Variants in ERG observed in about 807,000 individuals in gnomAD.
ERG encodes the protein transcriptional regulator ERG.
In ERG, 9 loss-of-function variants were observed where a neutral mutation model predicts 55.3. The observed-to-expected ratio is 0.16, with a 90% CI of 0.10 to 0.28. ERG has a LOEUF of 0.28. Among genes scored for constraint, ERG ranks in the 10% least tolerant of loss-of-function variants. ERG has a pLI of 1.00. For synonymous variants in ERG, 223 were observed against 237.3 expected (o/e 0.94, Z 0.55); for missense variants, 434 against 631.6 (o/e 0.69, Z 3.35).
In ERG at chr21:38,402,625, T is replaced by C. The variant is rs1240440859; in HGVS notation, c.605A>G (p.His202Arg). The part of the protein sequence containing the change: ...LHYLRETPLP[H>R]LTSDDVDKAL... ...TTTATCAACATCATCTGAAGTCAAA[T>C]GTGGAAGAGGAGCTACAAAACAAAA... Residue 202 changes from histidine (H) to arginine (R), a missense_variant, in exon 5 of 10, where the codon CAT (histidine) becomes CGT (arginine). His to Arg is a conservative substitution (Grantham distance 29, BLOSUM62 0). Transcript: ENST00000288319. 1.1e-5 allele frequency: 18 copies of C among 1,594,746 alleles called. No homozygotes were observed. Among genetic ancestry groups the C allele is most frequent in the Non-Finnish European group, 1.5e-5 (18 of 1,176,412 alleles).
At chr21:38,479,162 A>T (rs541152322) in intron 1 of ERG, among the ~76,000 whole-genome samples, 1 of 152,266 alleles carries the variant, frequency 6.6e-6, no homozygotes, top group East Asian at 1.9e-4. Context: ...ATAAAGTTTT[A>T]TTTTTTCATC....
intron 2 of ERG, among the ~76,000 whole-genome samples, chr21:38,548,560 G>C (rs181520054): frequency 2.0e-5 from 3 of 146,420 alleles, no homozygotes; most frequent in Admixed American, 2.0e-4. Context: ...CCATTCTCCT[G>C]CCTCAGCCTC....
chr21:38,485,354 A>T (rs2082006611), intron 1 of ERG, among the ~76,000 whole-genome samples: 1 of 152,178 alleles, frequency 6.6e-6, no homozygotes, highest in Admixed American at 6.5e-5. Context: ...AGTGAGTACA[A>T]AAGAGTCAAA....
chr21:38,395,015 C>T (rs550856363), intron 6 of ERG, among the ~76,000 whole-genome samples: 7 of 152,314 alleles, frequency 4.6e-5, no homozygotes, highest in African/African-American at 1.2e-4. Flanking sequence ...TGGTGTATAA[C>T]CATATCCCAT....
At chr21:38,623,321 CCACACACA>C (rs5843921) in intron 1 of ERG, among the ~76,000 whole-genome samples, 20 of 148,344 alleles carry the variant, frequency 1.3e-4, no homozygotes, top group East Asian at 8.1e-4. Context: ...CACATACGCA[CCACACACA>C]CACACACACA....
intron 1 of ERG, among the ~76,000 whole-genome samples, chr21:38,592,410 G>A (rs994269755): frequency 1.3e-5 from 2 of 152,198 alleles, no homozygotes; most frequent in Admixed American, 6.5e-5. Context: ...TCTCCTAGGC[G>A]CTGAGACCCT....
At position 38,618,731 on chromosome 21, in the gene ERG, G is replaced by A. The variant is rs2060273130; in HGVS notation, c.-149-33786C>T. Among the ~76,000 whole-genome samples the A allele has an allele frequency of 2.0e-5, 3 of 152,196 alleles. No individual in the cohort carries two copies. In the South Asian group the frequency reaches 6.2e-4, roughly 31 times the overall value. ...ACCTCTCAGCATCACCCTCTGTGGG[G>A]CAGGAGACAGAGTGAGCAGAGGTTA... On this transcript the variant is annotated intron_variant, in intron 1 of 10. Coordinates refer to the ERG transcript ENST00000398910.
intron 1 of ERG, among the ~76,000 whole-genome samples, chr21:38,463,304 A>C (rs1601440246): frequency 6.6e-6 from 1 of 152,138 alleles, no homozygotes; most frequent in Admixed American, 6.5e-5. Flanking sequence ...TCATGTGCAG[A>C]GCAGGAGCCT....
chr21:38,479,899 T>C (rs1370800230), intron 1 of ERG, among the ~76,000 whole-genome samples: 1 of 152,236 alleles, frequency 6.6e-6, no homozygotes, highest in Non-Finnish European at 1.5e-5. Flanking sequence ...ATGATCTTTT[T>C]CCTTGTAAGT....
rs58558375 is a variant in ERG at position 38,579,825 on chromosome 21, C to CTT, written c.-126-4080_-126-4079dup. ...CCTCAACCCACACGGATCTCTGACT[C>CTT]TTTTTTTTTTTTTGAGACGGAGTCT... On this transcript the variant is annotated intron_variant, in intron 1 of 8. Transcript: ENST00000398897. Among the ~76,000 whole-genome samples, 333 of 145,124 alleles carry CTT rather than the reference C, an allele frequency of 2.3e-3. 2 individuals are homozygous for CTT. Among genetic ancestry groups the CTT allele is most frequent in the African/African-American group, 5.3e-3 (208 of 39,612 alleles).
intron 1 of ERG, among the ~76,000 whole-genome samples, chr21:38,624,446 A>G (rs142441612): frequency 0.011 from 1,603 of 152,270 alleles, 16 homozygotes; most frequent in Non-Finnish European, 0.015. Flanking sequence ...TGCATCCCAG[A>G]ACTTAAAGTA....
chr21:38,490,179 A>T (rs1343912194), intron 1 of ERG, among the ~76,000 whole-genome samples: 3 of 152,196 alleles, frequency 2.0e-5, no homozygotes, highest in Admixed American at 2.0e-4. Context: ...AGATAAAAAC[A>T]TGTTCATCAC....
intron 2 of ERG, among the ~76,000 whole-genome samples, chr21:38,442,591 G>GTCTT (rs2058852193): frequency 6.6e-6 from 1 of 152,084 alleles, no homozygotes; most frequent in African/African-American, 2.4e-5. Flanking sequence ...AGCTCCTGGT[G>GTCTT]TCTTTCTTTC....
chr21:38,418,330 T>C (rs972504987), intron 3 of ERG, among the ~76,000 whole-genome samples: 2 of 151,218 alleles, frequency 1.3e-5, no homozygotes, highest in Admixed American at 6.6e-5. Context: ...TCTGGCTTCC[T>C]GGTGGGAGTG....
At chr21:38,589,817 G>A (rs558155937), upstream of ERG, among the ~76,000 whole-genome samples, 1 of 152,248 alleles carries the variant, frequency 6.6e-6, no homozygotes, top group African/African-American at 2.4e-5. Context: ...TCATGGCAGG[G>A]CAGCTAGGCA....
chr21:38,583,521 T>C (rs2060042873), intron 1 of ERG, among the ~76,000 whole-genome samples: 1 of 152,228 alleles, frequency 6.6e-6, no homozygotes, highest in Non-Finnish European at 1.5e-5. Flanking sequence ...AAAATGGACT[T>C]CTTCAGTAGG....
chr21:38,448,360 A>T (rs1011109917), intron 1 of ERG, among the ~76,000 whole-genome samples: 17 of 152,222 alleles, frequency 1.1e-4, no homozygotes, highest in African/African-American at 3.6e-4. Flanking sequence ...GAATATTGAA[A>T]GCAACCCCTC....
intron 1 of ERG, among the ~76,000 whole-genome samples, chr21:38,475,736 T>A (rs2059181411): frequency 6.6e-6 from 1 of 152,170 alleles, no homozygotes; most frequent in Admixed American, 6.5e-5. Flanking sequence ...CCTGCCACAC[T>A]CTGTCTTCGT....
intron 2 of ERG, among the ~76,000 whole-genome samples, chr21:38,506,253 T>C (rs1011661079): frequency 6.6e-6 from 1 of 152,192 alleles, no homozygotes; most frequent in Non-Finnish European, 1.5e-5. Context: ...TGTTCCCAAA[T>C]GTGAGTTGCA....
Sources: gnomAD v4.1 joint callset for allele counts (sites outside exome capture counted in the v4.1 genomes callset) on GRCh38, gnomAD v4.1.1 for gene constraint, MANE v1.5 for transcripts, NCBI Gene and HGNC (gene_info 2026-07-23, HGNC 2026-07-21) for gene names.